Variants in FAM149B1 observed in about 807,000 individuals in gnomAD.
The protein encoded by FAM149B1 is family with sequence similarity 149 member B1.
Under a neutral mutation model 75.3 loss-of-function variants are expected in FAM149B1, and 56 were observed. The ratio of observed to expected loss-of-function variants is 0.74; its 90% CI spans 0.60 to 0.93. The LOEUF (loss-of-function observed/expected upper bound fraction) is 0.93, where lower values mean the gene tolerates loss of function less well. FAM149B1 is among the 40% of genes least tolerant of loss of function. FAM149B1 has a pLI of 0.00. For synonymous variants in FAM149B1, 259 were observed against 256.1 expected (o/e 1.01, Z -0.11); for missense variants, 639 against 708.4 (o/e 0.90, Z 1.11).
chr10:73,229,570 G>A (rs889593094), intron 8 of FAM149B1, among the ~76,000 whole-genome samples: 1 of 152,114 alleles, frequency 6.6e-6, no homozygotes, highest in Non-Finnish European at 1.5e-5. Context: ...GCAAGACTCC[G>A]TCTCAGAAAA....
chr10:73,215,228 C>T (rs536202090), intron 7 of FAM149B1, among the ~76,000 whole-genome samples: 6 of 152,132 alleles, frequency 3.9e-5, no homozygotes, highest in Admixed American at 6.5e-5. Flanking sequence ...GTCATGTTGG[C>T]GAGGCTGGTC....
At chr10:73,227,372 A>G (rs1167633391) in intron 7 of FAM149B1, among the ~76,000 whole-genome samples, 1 of 152,210 alleles carries the variant, frequency 6.6e-6, no homozygotes, top group Non-Finnish European at 1.5e-5. Context: ...GATGTCAGCC[A>G]CCATGCCCAG....
chr10:73,237,005 G>A (rs2043837855), intron 12 of FAM149B1, among the ~76,000 whole-genome samples: 1 of 151,882 alleles, frequency 6.6e-6, no homozygotes, highest in Non-Finnish European at 1.5e-5. Flanking sequence ...TGAGCCACAT[G>A]CCCAGCCTGC....
At chr10:73,238,609 TATA>T (rs1156686098) in intron 12 of FAM149B1, among the ~76,000 whole-genome samples, 2 of 152,228 alleles carry the variant, frequency 1.3e-5, no homozygotes, top group East Asian at 1.9e-4. Flanking sequence ...CAAAGCCTAA[TATA>T]ATAACTATCT....
In FAM149B1 at chr10:73,210,405, T is replaced by C. The variant is rs1168109373; in HGVS notation, c.865T>C (p.Leu289=). 4.5e-6 allele frequency: 7 copies of C among 1,545,786 alleles called. No individual in the cohort carries two copies. The highest frequency in any genetic ancestry group is 1.7e-4 in the Middle Eastern group (1 of 5,970). ...CAAGGTTGTGAGCTGTATGGAGCAG[T>C]TGACACGTAGTCACTGGGAAGGATT... ...WCKVVSCMEQ[L]TRSHWEGFAS... is the part of the protein sequence containing the mutation. Residue 289 remains leucine, a synonymous_variant, in exon 7 of 14, where the codon TTG becomes CTG. Transcript: ENST00000242505.
chr10:73,188,258 T>C (rs1249282734), intron 3 of FAM149B1, among the ~76,000 whole-genome samples: 1 of 152,210 alleles, frequency 6.6e-6, no homozygotes, highest in Non-Finnish European at 1.5e-5. Context: ...CAAATGTTGC[T>C]GGGACAATTG....
chr10:73,217,738 G>A (rs1362215739), intron 7 of FAM149B1, among the ~76,000 whole-genome samples: 2 of 152,122 alleles, frequency 1.3e-5, no homozygotes, highest in African/African-American at 2.4e-5. Flanking sequence ...CTATTGGTCT[G>A]AAGCAAGTCA....
chr10:73,200,359 T>C, intron 5 of FAM149B1: 1 of 505,936 alleles, frequency 2.0e-6, no homozygotes. Flanking sequence ...AAACAAAAAA[T>C]ACCCAAAAGG....
intron 7 of FAM149B1, among the ~76,000 whole-genome samples, chr10:73,214,321 A>C (rs2043250181): frequency 1.3e-5 from 2 of 152,002 alleles, no homozygotes; most frequent in African/African-American, 4.8e-5. Flanking sequence ...CTTTTGCCTG[A>C]TTGCTGTGAC....
chr10:73,170,860 A>G (rs546195217), intron 1 of FAM149B1, among the ~76,000 whole-genome samples: 50 of 152,316 alleles, frequency 3.3e-4, no homozygotes, highest in African/African-American at 1.2e-3. Flanking sequence ...ATCTGCTTTT[A>G]TGATTAATTC....
chr10:73,171,548 T>C (rs532167109), intron 1 of FAM149B1, among the ~76,000 whole-genome samples: 1 of 152,162 alleles, frequency 6.6e-6, no homozygotes, highest in East Asian at 1.9e-4. Context: ...GAGAATAGTA[T>C]CATGCACTAC....
chr10:73,184,140 C>T (rs1164281481), intron 3 of FAM149B1, among the ~76,000 whole-genome samples: 3 of 152,086 alleles, frequency 2.0e-5, no homozygotes, highest in African/African-American at 7.2e-5. Context: ...AGAGAAGATA[C>T]AAGAGGGCAT....
Position 73,239,302 on chromosome 10 carries a change from T to G in FAM149B1, c.1603-10T>G. The G allele has an allele frequency of 6.4e-7, 1 of 1,550,756 alleles. No individual in the cohort carries two copies. The highest frequency in any genetic ancestry group is 8.7e-7 in the Non-Finnish European group (1 of 1,146,178). ...GCATCATAAGAAGTGTCTCCTCTTT[T>G]GTCTTGTAGCTGGATACACAGTATC... On this transcript the variant is annotated splice_polypyrimidine_tract_variant and intron_variant, in intron 12 of 13. Coordinates refer to ENST00000242505, the MANE Select transcript of FAM149B1 (RefSeq NM_173348.2).
At chr10:73,227,163 C>T (rs1415073109) in intron 7 of FAM149B1, among the ~76,000 whole-genome samples, 1 of 152,228 alleles carries the variant, frequency 6.6e-6, no homozygotes, top group Non-Finnish European at 1.5e-5. Flanking sequence ...TCACAGCTCA[C>T]TACAGCCTCA....
rs148020699 is a variant in FAM149B1, at chr10:73,241,048, A to G, written c.*29A>G. On this transcript the variant is annotated 3_prime_UTR_variant, in exon 14 of 14. Coordinates refer to ENST00000242505, the MANE Select transcript of FAM149B1 (RefSeq NM_173348.2). ...AAATGAGAAGAATCTATCAGGCTGC[A>G]GGAAACACGAGATTTCATGAAGCAG... 1.6e-6 allele frequency: 2 copies of G among 1,230,486 alleles called. No individual in the cohort carries two copies. The highest frequency in any genetic ancestry group is 4.0e-5 in the Admixed American group (2 of 50,532). The allele number at this position is 1,230,486 out of a possible 1,614,324, so 76.2% of individuals were successfully genotyped here.
In FAM149B1 at chr10:73,239,371, C is replaced by A; in HGVS notation, c.1662C>A (p.Gly554=). Residue 554 remains glycine, a synonymous_variant, in exon 13 of 14, where the codon GGC becomes GGA. Coordinates refer to ENST00000242505, the MANE Select transcript of FAM149B1 (RefSeq NM_173348.2). ...AVEYPHQARP[G]RGSAGPQLHG... ...AGTATCCTCATCAGGCCCGACCTGG[C>A]AGGGGATCTGCAGGTAAAGGTGGGG... 6.4e-7 allele frequency: 1 copy of A among 1,551,468 alleles called. No homozygotes were observed. Among genetic ancestry groups the A allele is most frequent in the Non-Finnish European group, 8.7e-7 (1 of 1,146,806 alleles).
intron 5 of FAM149B1, among the ~76,000 whole-genome samples, chr10:73,204,615 T>C (rs992558793): frequency 2.0e-5 from 3 of 152,112 alleles, no homozygotes; most frequent in African/African-American, 7.2e-5. Flanking sequence ...AGTCATCACA[T>C]ATTTACTGAA....
rs2043942416 is a variant in FAM149B1, at chr10:73,241,095, A to C, written c.*76A>C. The C allele has an allele frequency of 2.4e-6, 2 of 849,976 alleles. No individual in the cohort carries two copies. Among genetic ancestry groups the C allele is most frequent in the Non-Finnish European group, 3.9e-6 (2 of 512,256 alleles). 52.7% of individuals were successfully genotyped at this position (849,976 alleles called of 1,614,324 possible). ...GCAGTATTCAGTCATCAAGTGATGC[A>C]GAGCTTGTATAGAAGATCGACTAGA... On this transcript the variant is annotated 3_prime_UTR_variant, in exon 14 of 14. Transcript: ENST00000242505.
chr10:73,177,932 G>A lies in FAM149B1; in HGVS notation c.239G>A (p.Gly80Glu). 6.4e-7 allele frequency: 1 copy of A among 1,551,602 alleles called. No individual in the cohort carries two copies. The highest frequency in any genetic ancestry group is 1.2e-5 in the South Asian group (1 of 84,056). The change falls in exon 3 of 14, where the codon GGG (glycine) becomes GAG (glutamate). Residue 80 changes from glycine to glutamate, a missense_variant. By Grantham distance (98) the Gly-to-Glu change is moderately conservative. Transcript: ENST00000242505. Reference sequence around the variant, plus strand: ...GCTTTTCCAAGTTATACAGGCGCAGGGATATCTACTGAAGGAAGCTCGGAC... The same window carrying A: ...GCTTTTCCAAGTTATACAGGCGCAGAGATATCTACTGAAGGAAGCTCGGAC... ...LSAFPSYTGA[G>E]ISTEGSSDFS... is the part of the protein sequence containing the mutation.
Sources: allele counts gnomAD v4.1 joint callset (sites outside exome capture counted in the v4.1 genomes callset), GRCh38; gene constraint gnomAD v4.1.1; transcripts MANE v1.5; gene names NCBI Gene and HGNC (gene_info 2026-07-23, HGNC 2026-07-21).